The following KLHL29 variants were observed in gnomAD, a reference collection of about 807,000 sequenced individuals.
KLHL29 encodes the protein kelch like family member 29, also known as kelch-like protein 29.
KLHL29 carries 21 observed loss-of-function variants against 80.4 expected under a neutral mutation model. That is an observed-to-expected ratio of 0.26 (90% CI 0.19 to 0.38). The LOEUF is 0.38. Ranked by LOEUF, KLHL29 falls within the 10% of genes least tolerant of loss-of-function variation. The probability of loss-of-function intolerance (pLI) is 1.00; values close to 1 mark genes in which losing one functional copy is unlikely to be tolerated. For missense variants in KLHL29, 867 were observed against 1,223.9 expected (o/e 0.71, Z 4.35); for synonymous variants, 511 against 526.8 (o/e 0.97, Z 0.41).
chr2:23,417,115 C>T (rs1020231812), intron 1 of KLHL29, among the ~76,000 whole-genome samples: 5 of 152,180 alleles, frequency 3.3e-5, no homozygotes, highest in Non-Finnish European at 7.3e-5. Flanking sequence ...CAGCCTTCTT[C>T]TCTTCATTGC....
intron 2 of KLHL29, among the ~76,000 whole-genome samples, chr2:23,505,146 A>G (rs1464263315): frequency 1.3e-5 from 2 of 152,170 alleles, no homozygotes; most frequent in Non-Finnish European, 2.9e-5. Context: ...TTCGAGGTTA[A>G]GTGTCGTTCA....
chr2:23,489,050 A>G (rs1203373873), intron 2 of KLHL29, among the ~76,000 whole-genome samples: 1 of 152,126 alleles, frequency 6.6e-6, no homozygotes, highest in African/African-American at 2.4e-5. Context: ...AAATAAAAGT[A>G]TTGTTTAGGG....
chr2:23,661,483 G>A (rs1392096644), intron 5 of KLHL29, among the ~76,000 whole-genome samples: 1 of 152,214 alleles, frequency 6.6e-6, no homozygotes, highest in Non-Finnish European at 1.5e-5. Context: ...CTCCCCCTGC[G>A]TTCGTCACAG....
chr2:23,481,171 T>C (rs1178608839), intron 2 of KLHL29, among the ~76,000 whole-genome samples: 1 of 152,320 alleles, frequency 6.6e-6, no homozygotes, highest in South Asian at 2.1e-4. Context: ...GGCATCTGGA[T>C]TTTTGTAAAG....
chr2:23,693,017 G>A (rs113154220), intron 7 of KLHL29, among the ~76,000 whole-genome samples: 1,591 of 152,196 alleles, frequency 0.01, 27 homozygotes, highest in African/African-American at 0.035. Flanking sequence ...TCCCAGTCTC[G>A]GTCCTTCTGC....
rs147228997 is a variant in KLHL29 at position 23,564,972 on chromosome 2, C to T, written c.285+2491C>T. On this transcript the variant is annotated intron_variant, in intron 3 of 13. Coordinates refer to ENST00000486442, the MANE Select transcript of KLHL29 (RefSeq NM_052920.2). ...CTTCTACCGCTTGCTATCTGAGTGA[C>T]CCTGGACAGGTTACCTAACCTCTCT... Among the ~76,000 whole-genome samples, 46 of 152,306 alleles carry T rather than the reference C, an allele frequency of 3.0e-4. No homozygotes were observed. In the East Asian group the frequency reaches 7.7e-3, roughly 26 times the overall value.
chr2:23,478,186 T>C (rs1223295323), intron 2 of KLHL29, among the ~76,000 whole-genome samples: 1 of 152,204 alleles, frequency 6.6e-6, no homozygotes, highest in Non-Finnish European at 1.5e-5. Flanking sequence ...TTCCGCTCCC[T>C]CTGCCACTCA....
At chr2:23,523,637 A>T (rs762411606) in intron 2 of KLHL29, among the ~76,000 whole-genome samples, 8 of 152,018 alleles carry the variant, frequency 5.3e-5, no homozygotes, top group Admixed American at 2.6e-4. Context: ...TTACCCCCTC[A>T]TACTTCCCAG....
intron 2 of KLHL29, among the ~76,000 whole-genome samples, chr2:23,485,117 C>T (rs1449150199): frequency 1.3e-5 from 2 of 152,134 alleles, no homozygotes; most frequent in Non-Finnish European, 2.9e-5. Context: ...GGGCAGCCTG[C>T]AGAGCCAAAC....
At chr2:23,388,842 GT>G (rs138963545) in intron 1 of KLHL29, among the ~76,000 whole-genome samples, 2,866 of 148,304 alleles carry the variant, frequency 0.019, 29 homozygotes, top group Middle Eastern at 0.034. Flanking sequence ...GTGTACATGG[GT>G]TTTTTTTTTC....
chr2:23,499,587 A>G (rs570599109), intron 2 of KLHL29, among the ~76,000 whole-genome samples: 65 of 152,320 alleles, frequency 4.3e-4, no homozygotes, highest in African/African-American at 1.5e-3. Context: ...GAGTTGGGCA[A>G]TGAGGCTAAG....
At chr2:23,574,251 AAGG>A (rs1323634685) in intron 3 of KLHL29, among the ~76,000 whole-genome samples, 1 of 152,034 alleles carries the variant, frequency 6.6e-6, no homozygotes, top group African/African-American at 2.4e-5. Context: ...TGGGATGGAG[AAGG>A]AGAGACCCTA....
chr2:23,676,943 A>G (rs1670940175), intron 5 of KLHL29, among the ~76,000 whole-genome samples: 1 of 152,158 alleles, frequency 6.6e-6, no homozygotes, highest in African/African-American at 2.4e-5. Context: ...AGGAAGATTG[A>G]GGTGAATCTG....
At chr2:23,412,419 A>G (rs1437524612) in intron 1 of KLHL29, among the ~76,000 whole-genome samples, 1 of 152,152 alleles carries the variant, frequency 6.6e-6, no homozygotes, top group African/African-American at 2.4e-5. Flanking sequence ...GGGACAGAGA[A>G]GGAAGAGGAG....
Position 23,534,922 on chromosome 2 carries a change from G to A in KLHL29, c.-45-27230G>A, listed in dbSNP as rs187745864. Among the ~76,000 whole-genome samples, 45 of 152,236 alleles carry A rather than the reference G, an allele frequency of 3.0e-4. No individual in the cohort carries two copies. In the East Asian group the frequency reaches 7.1e-3, roughly 24 times the overall value. ...ATCCTGTTGATGCTGCAGCAGTATC[G>A]ACTGGCCCTAAAAGCAGCTGCTAAA... On this transcript the variant is annotated intron_variant, in intron 2 of 13. Coordinates refer to ENST00000486442, the MANE Select transcript of KLHL29 (RefSeq NM_052920.2).
intron 3 of KLHL29, among the ~76,000 whole-genome samples, chr2:23,615,759 C>T (rs528258480): frequency 2.0e-5 from 3 of 152,248 alleles, no homozygotes; most frequent in African/African-American, 4.8e-5. Context: ...AGGGTCACTG[C>T]GTGGACACAG....
At chr2:23,705,087 C>T (rs776516895) in intron 13 of KLHL29, among the ~76,000 whole-genome samples, 7 of 152,234 alleles carry the variant, frequency 4.6e-5, no homozygotes, top group Admixed American at 3.9e-4. Context: ...GTCATGTACC[C>T]TAATGGTGGC....
intron 1 of KLHL29, among the ~76,000 whole-genome samples, chr2:23,427,245 C>T (rs186547151): frequency 1.5e-4 from 23 of 152,194 alleles, no homozygotes; most frequent in Admixed American, 1.0e-3. Context: ...AATATTTTTG[C>T]GGCGTTCTAT....
At chr2:23,477,934 C>T (rs1477650362) in intron 2 of KLHL29, among the ~76,000 whole-genome samples, 1 of 152,224 alleles carries the variant, frequency 6.6e-6, no homozygotes, top group Non-Finnish European at 1.5e-5. Context: ...TTCCCTGCTG[C>T]TGATGCAGGG....
Sources: allele counts gnomAD v4.1 joint callset (sites outside exome capture counted in the v4.1 genomes callset), GRCh38; gene constraint gnomAD v4.1.1; transcripts MANE v1.5; gene names NCBI Gene and HGNC (gene_info 2026-07-23, HGNC 2026-07-21).